The following CADPS variants were observed in gnomAD, a reference collection of about 807,000 sequenced individuals.
CADPS encodes the protein calcium-dependent secretion activator 1.
In CADPS, 57 loss-of-function variants were observed where a neutral mutation model predicts 167.3. The ratio of observed to expected loss-of-function variants is 0.34; its 90% confidence interval spans 0.28 to 0.42. The LOEUF (loss-of-function observed/expected upper bound fraction) is 0.42, where lower values mean the gene tolerates loss of function less well. Ranked by LOEUF, CADPS falls within the 20% of genes least tolerant of loss-of-function variation. The pLI, the probability that CADPS is intolerant of heterozygous loss-of-function variation, is 1.00. For synonymous variants in CADPS, 676 were observed against 635.3 expected (o/e 1.06, Z -0.96); for missense variants, 1,414 against 1,738.1 (o/e 0.81, Z 3.32).
At chr3:62,500,397 C>T (rs985239020) in intron 17 of CADPS, 3 of 152,178 alleles carry the variant, frequency 2.0e-5, no homozygotes, top group Non-Finnish European at 4.4e-5. Context: ...CTCAGGAGAT[C>T]CGCCCGCCTC....
At chr3:62,815,240 T>C (rs1200847591) in intron 1 of CADPS, among the ~76,000 whole-genome samples, 2 of 151,948 alleles carry the variant, frequency 1.3e-5, no homozygotes, top group Non-Finnish European at 2.9e-5. Context: ...GGGTGAAATA[T>C]TGTGTGATAG....
In CADPS at chr3:62,533,204, C is replaced by CA. The variant is rs1172653259; in HGVS notation, c.2104-147dup. ...TGCCTATTATGTGCCAGCCACTGTG[C>CA]ACAGCATATTGCGGTTTAGTCCTCA... On this transcript the variant is annotated intron_variant, in intron 12 of 29. Coordinates refer to ENST00000383710, the MANE Select transcript of CADPS (RefSeq NM_003716.4). 4.6e-6 allele frequency: 3 copies of CA among 647,512 alleles called. No individual in the cohort carries two copies. In the East Asian group the frequency reaches 8.3e-5, roughly 18 times the overall value. The allele number at this position is 647,512 out of a possible 1,614,324, so 40.1% of individuals were successfully genotyped here. A position where few individuals can be genotyped will look rare whatever the true frequency, so the allele number is the denominator to read the frequency against.
At chr3:62,484,118 T>G (rs1221327006) in intron 21 of CADPS, among the ~76,000 whole-genome samples, 3 of 152,198 alleles carry the variant, frequency 2.0e-5, no homozygotes, top group Non-Finnish European at 4.4e-5. Flanking sequence ...TCAGCTAGAC[T>G]ACTGCACTGG....
Position 62,748,239 on chromosome 3 carries a change from A to G in CADPS, c.888+5202T>C, listed in dbSNP as rs528567578. On this transcript the variant is annotated intron_variant, in intron 3 of 29. Transcript: ENST00000383710. ...CAGGCACCTGTAGTCCCAGCTACTC[A>G]GGAGGCTGAGGCAGGAGAATGGCGT... 4.5e-3 allele frequency among the ~76,000 whole-genome samples: 657 copies of G among 147,006 alleles called. 10 individuals are homozygous for G. The highest frequency in any genetic ancestry group is 0.016 in the African/African-American group (628 of 40,110).
Position 62,875,039 on chromosome 3 carries a change from T to A in CADPS, c.-10A>T, listed in dbSNP as rs2153228770. On this transcript the variant is annotated 5_prime_UTR_variant, in exon 1 of 30. Coordinates refer to ENST00000383710, the MANE Select transcript of CADPS (RefSeq NM_003716.4). ...ACGAAGGGTCCAGCATAGTGGCGCC[T>A]GGGGAGCGGGGTCTCTGGAGCCCCC... 19 of 1,575,212 alleles carry A rather than the reference T, an allele frequency of 1.2e-5. No homozygotes were observed. Among genetic ancestry groups the A allele is most frequent in the East Asian group, 9.9e-5 (4 of 40,222 alleles).
At position 62,874,766 on chromosome 3, in the gene CADPS, C is replaced by T. The variant is rs746873454; in HGVS notation, c.264G>A (p.Arg88=). 8 of 1,445,150 alleles carry T rather than the reference C, an allele frequency of 5.5e-6. No homozygotes were observed. In the South Asian group the frequency reaches 1.0e-4, roughly 18 times the overall value. The allele number at this position is 1,445,150 out of a possible 1,614,324, so 89.5% of individuals were successfully genotyped here. ...LQPSSRAGGG[R]PSSPSPSVVS... ...CCACCGACGGGCTGGGGCTGGAGGGCCGGCCGCCGCCAGCGCGGCTGCTGG... is the reference window on the plus strand; with the variant it reads ...CCACCGACGGGCTGGGGCTGGAGGGTCGGCCGCCGCCAGCGCGGCTGCTGG... The change falls in exon 1 of 30, where the codon CGG becomes CGA. Residue 88 remains arginine, a synonymous_variant. Coordinates refer to ENST00000383710, the MANE Select transcript of CADPS (RefSeq NM_003716.4). The surrounding 1 kb of genome is among the most constrained non-coding windows in gnomAD (Gnocchi z 7.1).
chr3:62,841,835 A>G (rs304184), intron 1 of CADPS, among the ~76,000 whole-genome samples: 69,177 of 152,010 alleles, frequency 0.46, 15,853 homozygotes, highest in East Asian at 0.57. Flanking sequence ...TGTTTGCCAA[A>G]TTTGTCAATA....
chr3:62,645,801 T>C lies in CADPS; in HGVS notation c.1246A>G (p.Asn416Asp). The change falls in exon 6 of 30, where the codon AAT becomes GAT. Residue 416 changes from asparagine to aspartate, a missense_variant. By Grantham distance (23) the Asn-to-Asp change is conservative. Around this residue, in one of 6 missense-constraint regions of CADPS, gnomAD observed 522 missense variants for 559.5 expected, o/e 0.93. Coordinates refer to ENST00000383710, the MANE Select transcript of CADPS (RefSeq NM_003716.4). ...EVQGLKSLAP[N>D]RIVYCTMEVE... is the part of the protein sequence containing the mutation. ...TCCATTGTGCAATATACGATGCGAT[T>C]TGGAGCCAAAGATTTGAGGCCTTGG... is the stretch of plus-strand genomic sequence containing the variant. 2 of 1,614,124 alleles carry C rather than the reference T, an allele frequency of 1.2e-6. No homozygotes were observed. The highest frequency in any genetic ancestry group is 1.7e-6 in the Non-Finnish European group (2 of 1,179,968).
chr3:62,476,274 G>A (rs992782447), intron 23 of CADPS, among the ~76,000 whole-genome samples: 6 of 152,138 alleles, frequency 3.9e-5, no homozygotes. Context: ...TTCTACCAAG[G>A]AGAACAACGG....
At chr3:62,845,510 T>C (rs1040688320) in intron 1 of CADPS, among the ~76,000 whole-genome samples, 1 of 152,166 alleles carries the variant, frequency 6.6e-6, no homozygotes, top group Non-Finnish European at 1.5e-5. Flanking sequence ...CAGCAAGTAT[T>C]CAATATATTG....
At chr3:62,698,401 G>A (rs996623982) in intron 3 of CADPS, among the ~76,000 whole-genome samples, 4 of 152,020 alleles carry the variant, frequency 2.6e-5, no homozygotes, top group African/African-American at 7.3e-5. Context: ...TCTATGAGGG[G>A]TGCAGGACCC....
chr3:62,692,629 T>C (rs1156449700), intron 3 of CADPS, among the ~76,000 whole-genome samples: 1 of 152,064 alleles, frequency 6.6e-6, no homozygotes, highest in Non-Finnish European at 1.5e-5. Context: ...AAGATGCCAT[T>C]CCTTTCAACT....
At chr3:62,784,994 A>T (rs1270899949) in intron 1 of CADPS, among the ~76,000 whole-genome samples, 1 of 152,160 alleles carries the variant, frequency 6.6e-6, no homozygotes, top group Non-Finnish European at 1.5e-5. Context: ...TTTGAAAAAC[A>T]GATCTTTATA....
At chr3:62,605,078 C>T (rs2060503844) in intron 6 of CADPS, among the ~76,000 whole-genome samples, 1 of 152,278 alleles carries the variant, frequency 6.6e-6, no homozygotes, top group South Asian at 2.1e-4. Context: ...TTGAATCTGC[C>T]TTAAGACACC....
chr3:62,657,060 A>G (rs2071808380), intron 4 of CADPS, among the ~76,000 whole-genome samples: 1 of 152,170 alleles, frequency 6.6e-6, no homozygotes, highest in Non-Finnish European at 1.5e-5. Flanking sequence ...TTACTTCATA[A>G]CACAGCATGG....
At chr3:62,513,158 G>C (rs1236160056) in intron 16 of CADPS, among the ~76,000 whole-genome samples, 1 of 152,020 alleles carries the variant, frequency 6.6e-6, no homozygotes, top group Non-Finnish European at 1.5e-5. Context: ...AGGCATATAA[G>C]ATCTAATTTT....
At chr3:62,849,733 A>G (rs1301514952) in intron 1 of CADPS, among the ~76,000 whole-genome samples, 3 of 144,398 alleles carry the variant, frequency 2.1e-5, no homozygotes, top group Admixed American at 6.9e-5. Flanking sequence ...TTGGTCTACA[A>G]TTCTCTTTTT....
At position 62,645,792 on chromosome 3, in the gene CADPS, C is replaced by A; in HGVS notation, c.1255G>T (p.Val419Leu). ...CCTTCCACCTCCATTGTGCAATATA[C>A]GATGCGATTTGGAGCCAAAGATTTG... ...GLKSLAPNRI[V>L]YCTMEVEGGE... is the part of the protein sequence containing the mutation. Residue 419 changes from valine to leucine, a missense_variant, in exon 6 of 30, where the codon GTA becomes TTA. By Grantham distance (32) the Val-to-Leu change is conservative. This residue lies in a region of CADPS where 157 missense variants were observed against 229.4 expected (regional missense o/e 0.68). Coordinates refer to ENST00000383710, the MANE Select transcript of CADPS (RefSeq NM_003716.4). 1 of 1,614,008 alleles carries A rather than the reference C, an allele frequency of 6.2e-7. No individual in the cohort carries two copies. Among genetic ancestry groups the A allele is most frequent in the South Asian group, 1.1e-5 (1 of 91,066 alleles).
intron 3 of CADPS, among the ~76,000 whole-genome samples, chr3:62,668,094 GTGTCGC>G (rs1471229847): frequency 2.0e-5 from 3 of 152,216 alleles, no homozygotes; most frequent in Non-Finnish European, 4.4e-5. Flanking sequence ...AAAGTCATCA[GTGTCGC>G]TGCCAAGAGG....
Sources: gnomAD v4.1 joint callset for allele counts (sites outside exome capture counted in the v4.1 genomes callset) on GRCh38, gnomAD v4.1.1 for gene constraint, gnomAD v4.1.1 regional missense constraint, Gnocchi (gnomAD v3.1) non-coding constraint, MANE v1.5 for transcripts, NCBI Gene and HGNC (gene_info 2026-07-23, HGNC 2026-07-21) for gene names.